The following MGMT variants were observed in gnomAD, a reference collection of about 807,000 sequenced individuals.
MGMT encodes the protein O-6-methylguanine-DNA methyltransferase.
Under a neutral mutation model 15.9 loss-of-function variants are expected in MGMT, and 14 were observed. That is an observed-to-expected ratio of 0.88 (90% CI 0.58 to 1.37). MGMT has a LOEUF of 1.37. Among genes scored for constraint, MGMT ranks in the 40% most tolerant of loss-of-function variants. The pLI, the probability that MGMT is intolerant of heterozygous loss-of-function variation, is 0.00. For missense variants in MGMT, 282 were observed against 268.1 expected (o/e 1.05, Z -0.36); for synonymous variants, 130 against 118.2 (o/e 1.10, Z -0.65).
chr10:129,734,723 G>C (rs1376758845), intron 3 of MGMT, among the ~76,000 whole-genome samples: 1 of 152,108 alleles, frequency 6.6e-6, no homozygotes, highest in Admixed American at 6.6e-5. Flanking sequence ...TTATTATTTT[G>C]AGATACGTCC....
At chr10:129,752,268 G>C (rs1313960692) in intron 3 of MGMT, among the ~76,000 whole-genome samples, 2 of 151,698 alleles carry the variant, frequency 1.3e-5, no homozygotes, top group African/African-American at 4.8e-5. Flanking sequence ...AATTTTATTT[G>C]TTCTTAAGTC....
intron 1 of MGMT, among the ~76,000 whole-genome samples, chr10:129,504,375 T>C (rs958192583): frequency 2.6e-5 from 4 of 152,358 alleles, no homozygotes; most frequent in Middle Eastern, 3.4e-3. Context: ...TACAGGATAG[T>C]TGTGTTCTTA....
chr10:129,672,996 C>T (rs771149095), intron 2 of MGMT, among the ~76,000 whole-genome samples: 12 of 152,138 alleles, frequency 7.9e-5, no homozygotes, highest in Non-Finnish European at 7.3e-5. Context: ...GGGATTAATA[C>T]GATCAGAGCA....
At chr10:129,608,910 T>A (rs984745058) in intron 2 of MGMT, among the ~76,000 whole-genome samples, 1 of 152,196 alleles carries the variant, frequency 6.6e-6, no homozygotes, top group Non-Finnish European at 1.5e-5. Context: ...TTGCTATTGG[T>A]TTAGAATGAG....
Position 129,520,042 on chromosome 10 carries a change from G to A in MGMT, c.-12-16199G>A, listed in dbSNP as rs61862592. On this transcript the variant is annotated intron_variant, in intron 1 of 4. Transcript: ENST00000651593. Reference sequence around the variant, plus strand: ...AAGAATAAAGAAAATTCCAGAAAACGTTTGTGACAGCATCACTGTTGAGGT... The same window carrying A: ...AAGAATAAAGAAAATTCCAGAAAACATTTGTGACAGCATCACTGTTGAGGT... Among the ~76,000 whole-genome samples the A allele has an allele frequency of 8.9e-3, 1,348 of 152,214 alleles. 11 individuals carry two copies. Among genetic ancestry groups the A allele is most frequent in the South Asian group, 0.033 (158 of 4,814 alleles).
At chr10:129,478,529 C>G (rs984968010) in intron 1 of MGMT, among the ~76,000 whole-genome samples, 1 of 152,248 alleles carries the variant, frequency 6.6e-6, no homozygotes, top group Non-Finnish European at 1.5e-5. Flanking sequence ...TTACTTCTGT[C>G]TAACTCACCA....
At chr10:129,681,874 A>G (rs1847857010) in intron 2 of MGMT, among the ~76,000 whole-genome samples, 1 of 152,174 alleles carries the variant, frequency 6.6e-6, no homozygotes, top group Admixed American at 6.5e-5. Context: ...CATGAAACCA[A>G]CTCTCTAAAC....
At chr10:129,576,401 A>G (rs2133043062) in intron 2 of MGMT, among the ~76,000 whole-genome samples, 1 of 152,364 alleles carries the variant, frequency 6.6e-6, no homozygotes, top group South Asian at 2.1e-4. Flanking sequence ...CAATAAATGT[A>G]ATCCAGCATG....
At chr10:129,519,876 C>G (rs779716391) in intron 1 of MGMT, among the ~76,000 whole-genome samples, 1 of 152,122 alleles carries the variant, frequency 6.6e-6, no homozygotes, top group Non-Finnish European at 1.5e-5. Context: ...GCCGGCCTCT[C>G]TACACCATGA....
intron 2 of MGMT, among the ~76,000 whole-genome samples, chr10:129,682,035 G>T (rs1275566589): frequency 1.3e-5 from 2 of 152,142 alleles, no homozygotes; most frequent in Non-Finnish European, 2.9e-5. Flanking sequence ...CCTCAGTGAG[G>T]TTCCACGCAG....
At chr10:129,525,254 A>G (rs754764473) in intron 1 of MGMT, among the ~76,000 whole-genome samples, 5 of 152,148 alleles carry the variant, frequency 3.3e-5, no homozygotes, top group Non-Finnish European at 7.3e-5. Context: ...TTAGTTCCAT[A>G]TATGTACCAA....
chr10:129,763,518 CAGGAAG>C (rs1394238496), intron 4 of MGMT, among the ~76,000 whole-genome samples: 2 of 152,128 alleles, frequency 1.3e-5, no homozygotes, highest in African/African-American at 4.8e-5. Flanking sequence ...CATTGATGTA[CAGGAAG>C]AGGGAGAGGG....
At chr10:129,559,087 T>G (rs1247920581) in intron 2 of MGMT, among the ~76,000 whole-genome samples, 2 of 152,168 alleles carry the variant, frequency 1.3e-5, no homozygotes. Flanking sequence ...TGTTTCTGCG[T>G]CGGAACGTGG....
At chr10:129,597,476 A>C (rs1394455254) in intron 2 of MGMT, among the ~76,000 whole-genome samples, 1 of 151,578 alleles carries the variant, frequency 6.6e-6, no homozygotes, top group Non-Finnish European at 1.5e-5. Context: ...ATCCAGAAAA[A>C]TAAAAAAACA....
At chr10:129,656,876 C>A (rs150216817) in intron 2 of MGMT, among the ~76,000 whole-genome samples, 1 of 152,164 alleles carries the variant, frequency 6.6e-6, no homozygotes, top group African/African-American at 2.4e-5. Context: ...TTTGGGGGCC[C>A]CAAGGTTCTC....
At chr10:129,728,479 A>C (rs1024412508) in intron 3 of MGMT, among the ~76,000 whole-genome samples, 1 of 152,118 alleles carries the variant, frequency 6.6e-6, no homozygotes, top group Non-Finnish European at 1.5e-5. Flanking sequence ...CAGGGGTCGC[A>C]GAAGAGGACC....
chr10:129,506,212 C>T (rs1845623528), intron 1 of MGMT, among the ~76,000 whole-genome samples: 1 of 152,098 alleles, frequency 6.6e-6, no homozygotes, highest in African/African-American at 2.4e-5. Flanking sequence ...AAGAGGAATT[C>T]TCTCTCCTGC....
At chr10:129,703,311 C>T (rs1224268202) in intron 2 of MGMT, among the ~76,000 whole-genome samples, 3 of 152,196 alleles carry the variant, frequency 2.0e-5, no homozygotes, top group Admixed American at 6.5e-5. Flanking sequence ...AAAGCCAGCT[C>T]ACATTTCAAT....
At chr10:129,565,531 TA>T (rs1353002579) in intron 2 of MGMT, among the ~76,000 whole-genome samples, 1 of 152,222 alleles carries the variant, frequency 6.6e-6, no homozygotes, top group Non-Finnish European at 1.5e-5. Context: ...AAAATGAATG[TA>T]AAATATTGAC....
Sources: allele counts gnomAD v4.1 joint callset (sites outside exome capture counted in the v4.1 genomes callset), GRCh38; gene constraint gnomAD v4.1.1; transcripts MANE v1.5; gene names NCBI Gene and HGNC (gene_info 2026-07-23, HGNC 2026-07-21).